The following KNSTRN variants were observed in gnomAD, a reference collection of about 807,000 sequenced individuals.
KNSTRN encodes kinetochore localized astrin (SPAG5) binding protein, also known as small kinetochore-associated protein.
KNSTRN carries 38 observed loss-of-function variants against 44.7 expected under a neutral mutation model. That is an observed-to-expected ratio of 0.85 (90% CI 0.66 to 1.11). KNSTRN has a LOEUF of 1.11. KNSTRN is among the 50% of genes most tolerant of loss of function. KNSTRN has a pLI of 0.00. For missense variants in KNSTRN, 406 were observed against 375.8 expected (o/e 1.08, Z -0.66); for synonymous variants, 158 against 148.1 (o/e 1.07, Z -0.48).
rs757669115 is a variant in KNSTRN at position 40,382,804 on chromosome 15, G to A, written c.-32G>A. On this transcript the variant is annotated 5_prime_UTR_variant, in exon 1 of 9. Transcript: ENST00000249776. The stretch of plus-strand genomic sequence containing the variant: ...GCTCCAACACCTTTCGCTAGGTCTG[G>A]CTCTGGCCTCTGAGCGAACCTTCCG... The A allele has an allele frequency of 2.5e-6, 4 of 1,593,896 alleles. No individual in the cohort carries two copies. The highest frequency in any genetic ancestry group is 2.3e-5 in the East Asian group (1 of 44,202).
intron 4 of KNSTRN, 123 bp downstream of exon 4, chr15:40,387,329 A>T: frequency 1.2e-6 from 1 of 809,976 alleles, no homozygotes; most frequent in Non-Finnish European, 2.1e-6. Context: ...CCACCTCAGG[A>T]ACCTGAGTGG....
At chr15:40,387,131 A>G (rs1188047648) in intron 3 of KNSTRN, 28 bp from the exon 4 acceptor site, 1 of 1,569,756 alleles carries the variant, frequency 6.4e-7, no homozygotes, top group Non-Finnish European at 8.8e-7. Context: ...TAAGTCTCTG[A>G]TTCATTTCTT....
chr15:40,389,192 A>C (rs1395991129), intron 4 of KNSTRN: 1 of 468,944 alleles, frequency 2.1e-6, no homozygotes, highest in Non-Finnish European at 4.2e-6. Flanking sequence ...GTTGCCACCC[A>C]GGCTGGAGTG....
chr15:40,382,791 T>C lies in KNSTRN; in HGVS notation c.-45T>C. ...CCCAGACCTGGGGGCTCCAACACCT[T>C]TCGCTAGGTCTGGCTCTGGCCTCTG... On this transcript the variant is annotated 5_prime_UTR_variant, in exon 1 of 9. Coordinates refer to ENST00000249776, the MANE Select transcript of KNSTRN (RefSeq NM_033286.4). The C allele has an allele frequency of 6.4e-7, 1 of 1,564,188 alleles. No individual in the cohort carries two copies. The highest frequency in any genetic ancestry group is 8.7e-7 in the Non-Finnish European group (1 of 1,149,510).
In KNSTRN at chr15:40,382,798, G is replaced by C. The variant is rs1463782566; in HGVS notation, c.-38G>C. On this transcript the variant is annotated 5_prime_UTR_variant, in exon 1 of 9. Coordinates refer to ENST00000249776, the MANE Select transcript of KNSTRN (RefSeq NM_033286.4). ...CTGGGGGCTCCAACACCTTTCGCTAGGTCTGGCTCTGGCCTCTGAGCGAAC... is the reference window on the plus strand; with the variant it reads ...CTGGGGGCTCCAACACCTTTCGCTACGTCTGGCTCTGGCCTCTGAGCGAAC... 6.3e-6 allele frequency: 10 copies of C among 1,581,936 alleles called. No homozygotes were observed. Among genetic ancestry groups the C allele is most frequent in the South Asian group, 2.3e-5 (2 of 88,572 alleles).
At chr15:40,388,709 A>T (rs544628329) in intron 4 of KNSTRN, among the ~76,000 whole-genome samples, 1 of 147,444 alleles carries the variant, frequency 6.8e-6, no homozygotes, top group South Asian at 2.1e-4. Context: ...AAAAAAAAAA[A>T]TGCCTTTAAG....
intron 2 of KNSTRN, chr15:40,384,458 A>C (rs1229451950): frequency 2.2e-6 from 1 of 455,936 alleles, no homozygotes; most frequent in Non-Finnish European, 4.4e-6. Context: ...TTGCCGCAGA[A>C]CACCTGAATG....
chr15:40,390,287 G>A (rs1488325775), intron 6 of KNSTRN, among the ~76,000 whole-genome samples: 5 of 152,198 alleles, frequency 3.3e-5, no homozygotes, highest in Admixed American at 2.6e-4. Flanking sequence ...GTGCTTGAAA[G>A]GAACATTTTG....
intron 8 of KNSTRN, chr15:40,393,227 T>C (rs2141277237): frequency 6.2e-7 from 1 of 1,613,922 alleles, no homozygotes; most frequent in Non-Finnish European, 8.5e-7. Context: ...TTGCACCAAA[T>C]GTAGAGGATT....
At chr15:40,383,766 A>C (rs1489587993) in intron 2 of KNSTRN, among the ~76,000 whole-genome samples, 1 of 152,216 alleles carries the variant, frequency 6.6e-6, no homozygotes, top group Non-Finnish European at 1.5e-5. Flanking sequence ...TCATTACCAC[A>C]TTCTCAATAC....
intron 4 of KNSTRN, 167 bp from the exon 5 acceptor site, chr15:40,389,339 A>G (rs1321328020): frequency 5.2e-6 from 3 of 581,258 alleles, no homozygotes; most frequent in African/African-American, 1.9e-5. Flanking sequence ...TAGTAGAGAC[A>G]GGGTTTCTCT....
Position 40,386,720 on chromosome 15 carries a change from C to T in KNSTRN, c.437+226C>T, listed in dbSNP as rs546397423. On this transcript the variant is annotated intron_variant, in intron 3 of 8. Transcript: ENST00000249776. ...TAAGAGGTGTTCTTTCCTCTTTCAT[C>T]GCTTGCTCTGAGCATACAAGTGGCA... The T allele has an allele frequency of 3.2e-4, 176 of 554,874 alleles. 1 individual carries two copies. The highest frequency in any genetic ancestry group is 4.8e-4 in the Non-Finnish European group (150 of 313,134). The allele number at this position is 554,874 out of a possible 1,614,324, so 34.4% of individuals were successfully genotyped here.
At position 40,386,698 on chromosome 15, in the gene KNSTRN, G is replaced by C. The variant is rs896234516; in HGVS notation, c.437+204G>C. On this transcript the variant is annotated intron_variant, in intron 3 of 8. Transcript: ENST00000249776. Reference sequence around the variant, plus strand: ...TGAAGAGACACAGCCAGAGTTATAAGAGGTGTTCTTTCCTCTTTCATCGCT... The same window carrying C: ...TGAAGAGACACAGCCAGAGTTATAACAGGTGTTCTTTCCTCTTTCATCGCT... 4 of 589,400 alleles carry C rather than the reference G, an allele frequency of 6.8e-6. No homozygotes were observed. The East Asian group carries it at 1.1e-4, about 17-fold the overall frequency. The allele number at this position is 589,400 out of a possible 1,614,324, so 36.5% of individuals were successfully genotyped here. A position where few individuals can be genotyped will look rare whatever the true frequency, so the allele number is the denominator to read the frequency against.
rs1250391399 is a variant in KNSTRN at position 40,382,898 on chromosome 15, G to A, written c.63G>A (p.Glu21=). The A allele has an allele frequency of 1.2e-6, 2 of 1,612,210 alleles. No homozygotes were observed. Among genetic ancestry groups the A allele is most frequent in the Non-Finnish European group, 1.7e-6 (2 of 1,180,052 alleles). The change falls in exon 1 of 9, where the codon GAG becomes GAA. Residue 21 remains glutamate (E), a synonymous_variant. Transcript: ENST00000249776. ...TCCGTACAACATGGCTGTCTACAGA[G>A]TGCGATTCCCACCCACTTCCGCCTA... ...RVFRTTWLST[E]CDSHPLPPSY...
In KNSTRN at chr15:40,389,582, C is replaced by A. The variant is rs1889963208; in HGVS notation, c.562C>A (p.Gln188Lys). 1 of 1,613,816 alleles carries A rather than the reference C, an allele frequency of 6.2e-7. No homozygotes were observed. The highest frequency in any genetic ancestry group is 8.5e-7 in the Non-Finnish European group (1 of 1,179,696). ...CCAGCTGTTAGAAGCCGTCAACAAG[C>A]AGTTGCACCAGAAGTTGACTGAAAC... is the stretch of plus-strand genomic sequence containing the variant. ...KNQLLEAVNK[Q>K]LHQKLTETQG... Residue 188 changes from glutamine to lysine, a missense_variant, in exon 5 of 9, where the codon CAG (glutamine) becomes AAG (lysine). Transcript: ENST00000249776.
At chr15:40,389,994 A>G in intron 6 of KNSTRN, 65 bp downstream of exon 6, 2 of 1,308,328 alleles carry the variant, frequency 1.5e-6, no homozygotes, top group Non-Finnish European at 2.2e-6. Flanking sequence ...TCCGGGGTTG[A>G]TCTTGGCAGC....
chr15:40,383,097 G>A lies in KNSTRN; in HGVS notation c.209+53G>A. ...GGCTGGATGGGAGGAAGGACGGAAT[G>A]AGCTGGGAAAGGAGGATTTTCTCTT... On this transcript the variant is annotated intron_variant, in intron 1 of 8. Coordinates refer to ENST00000249776, the MANE Select transcript of KNSTRN (RefSeq NM_033286.4). 3 of 1,599,256 alleles carry A rather than the reference G, an allele frequency of 1.9e-6. No individual in the cohort carries two copies. The South Asian group carries it at 3.3e-5, about 18-fold the overall frequency.
chr15:40,391,852 C>T, intron 7 of KNSTRN, 97 bp from the exon 8 acceptor site: 1 of 939,282 alleles, frequency 1.1e-6, no homozygotes, highest in East Asian at 2.5e-5. Context: ...CTCCTGACTC[C>T]TTTGTTGAGA....
At chr15:40,383,457 C>G (rs1037998518) in intron 2 of KNSTRN, 135 bp downstream of exon 2, 10 of 644,010 alleles carry the variant, frequency 1.6e-5, no homozygotes, top group Non-Finnish European at 2.2e-5. Flanking sequence ...CCCCTATAAC[C>G]AGGCTATGTA....
Sources: allele counts gnomAD v4.1 joint callset (sites outside exome capture counted in the v4.1 genomes callset), GRCh38; gene constraint gnomAD v4.1.1; transcripts MANE v1.5; gene names NCBI Gene and HGNC (gene_info 2026-07-23, HGNC 2026-07-21).